FGF14: variants seen among roughly 807,000 people sequenced by gnomAD.
The protein encoded by FGF14 is fibroblast growth factor 14, also known as fibroblast growth factor homologous factor 4.
FGF14 carries 5 observed loss-of-function variants against 25.5 expected under a neutral mutation model. The ratio of observed to expected loss-of-function variants is 0.20; its 90% CI spans 0.10 to 0.41. The LOEUF (loss-of-function observed/expected upper bound fraction) is 0.41, where lower values mean the gene tolerates loss of function less well. Ranked by LOEUF, FGF14 falls within the 10% of genes least tolerant of loss-of-function variation. FGF14 has a pLI of 1.00. For missense variants in FGF14, 222 were observed against 320.1 expected, an observed-to-expected ratio of 0.69 and a Z score of 2.34; for synonymous variants, 138 against 118.3, an observed-to-expected ratio of 1.17 and a Z score of -1.08.
chr13:101,750,766 C>A (rs73568240), intron 3 of FGF14, among the ~76,000 whole-genome samples: 5,543 of 152,176 alleles, frequency 0.036, 271 homozygotes, highest in African/African-American at 0.1. Context: ...AGCTTTATTC[C>A]TAATTGCCAA....
At chr13:101,754,869 GA>G (rs5806249) in intron 3 of FGF14, among the ~76,000 whole-genome samples, 121,546 of 151,998 alleles carry the variant, frequency 0.8, 49,031 homozygotes, top group East Asian at 0.96. Context: ...TAAACTTGGA[GA>G]AAAAAATCAG....
intron 3 of FGF14, among the ~76,000 whole-genome samples, chr13:101,864,709 C>T (rs1463975772): frequency 1.3e-5 from 2 of 152,098 alleles, no homozygotes. Context: ...AGATGAGATG[C>T]TAATTTCAGG....
intron 1 of FGF14, among the ~76,000 whole-genome samples, chr13:101,975,314 G>A (rs912901305): frequency 1.3e-5 from 2 of 151,916 alleles, no homozygotes; most frequent in Non-Finnish European, 2.9e-5. Flanking sequence ...TAACCCCCTC[G>A]ACTCCTCACA....
intron 1 of FGF14, among the ~76,000 whole-genome samples, chr13:101,998,160 TA>T (rs564360938): frequency 2.0e-5 from 3 of 152,076 alleles, no homozygotes; most frequent in Non-Finnish European, 4.4e-5. Context: ...AAATTCATAT[TA>T]AAAAAAGCAC....
At position 101,952,517 on chromosome 13, in the gene FGF14, T is replaced by C. The variant is rs530974661; in HGVS notation, c.209-77221A>G. On this transcript the variant is annotated intron_variant, in intron 1 of 4. Transcript: ENST00000376131. ...GTTGCATAAGAATAATAAATCTGAA[T>C]GATGAAACGACACAATTGGCAAAAA... Among the ~76,000 whole-genome samples the C allele has an allele frequency of 4.5e-4, 68 of 152,254 alleles. 1 individual carries two copies. Among genetic ancestry groups the C allele is most frequent in the African/African-American group, 1.5e-3 (64 of 41,548 alleles).
chr13:101,860,921 G>T (rs2044383857), intron 3 of FGF14, among the ~76,000 whole-genome samples: 1 of 152,016 alleles, frequency 6.6e-6, no homozygotes, highest in Non-Finnish European at 1.5e-5. Context: ...TATATTATTA[G>T]CATCAATTTT....
intron 3 of FGF14, among the ~76,000 whole-genome samples, chr13:101,789,512 A>C (rs988840312): frequency 6.6e-6 from 1 of 152,152 alleles, no homozygotes; most frequent in African/African-American, 2.4e-5. Context: ...TTTTTGAAAC[A>C]TATTTCACAG....
intron 1 of FGF14, among the ~76,000 whole-genome samples, chr13:102,172,225 A>G (rs147936895): frequency 6.6e-6 from 1 of 152,068 alleles, no homozygotes; most frequent in Non-Finnish European, 1.5e-5. Flanking sequence ...CATTAAATCA[A>G]TTCTTACCAG....
chr13:101,916,172 G>A (rs1239040093), intron 1 of FGF14, among the ~76,000 whole-genome samples: 1 of 152,222 alleles, frequency 6.6e-6, no homozygotes, highest in Non-Finnish European at 1.5e-5. Flanking sequence ...AGACTCAGGG[G>A]GAACAGGTTT....
intron 1 of FGF14, among the ~76,000 whole-genome samples, chr13:102,232,767 CA>C (rs2051140962): frequency 1.3e-5 from 2 of 152,146 alleles, no homozygotes. Context: ...TTAAGTTAAA[CA>C]CCCTGTAACA....
intron 1 of FGF14, among the ~76,000 whole-genome samples, chr13:101,978,535 G>A (rs989105837): frequency 9.2e-5 from 14 of 152,184 alleles, no homozygotes; most frequent in African/African-American, 3.4e-4. Flanking sequence ...GAGGTTGTTT[G>A]TTGTGGTGAA....
chr13:101,993,772 A>G (rs1370368965), intron 1 of FGF14, among the ~76,000 whole-genome samples: 1 of 151,998 alleles, frequency 6.6e-6, no homozygotes, highest in Non-Finnish European at 1.5e-5. Context: ...AGAGAAGGCA[A>G]AAAAATGGAG....
intron 1 of FGF14, chr13:102,395,134 A>G (rs1157340930): frequency 6.6e-6 from 1 of 152,276 alleles, no homozygotes; most frequent in East Asian, 1.9e-4. Context: ...AGAGCAAAAT[A>G]CTAAGCGAGA....
At chr13:101,977,826 A>G (rs1051957191) in intron 1 of FGF14, among the ~76,000 whole-genome samples, 2 of 152,198 alleles carry the variant, frequency 1.3e-5, no homozygotes, top group African/African-American at 4.8e-5. Flanking sequence ...CCCATTTTAT[A>G]TAAGTCCATT....
At chr13:101,950,030 G>A (rs2036056857) in intron 1 of FGF14, among the ~76,000 whole-genome samples, 1 of 151,818 alleles carries the variant, frequency 6.6e-6, no homozygotes, top group Admixed American at 6.6e-5. Flanking sequence ...TTTCCTCCTT[G>A]ATAAACTGAC....
At chr13:101,827,931 A>G (rs1340522262) in intron 3 of FGF14, among the ~76,000 whole-genome samples, 1 of 134,014 alleles carries the variant, frequency 7.5e-6, no homozygotes, top group Non-Finnish European at 1.7e-5. Context: ...TTCTAAAAAA[A>G]AAAAAAAAGA....
At chr13:102,175,257 T>C (rs1446954874) in intron 1 of FGF14, among the ~76,000 whole-genome samples, 2 of 152,030 alleles carry the variant, frequency 1.3e-5, no homozygotes, top group Admixed American at 1.3e-4. Flanking sequence ...CATAGATCAG[T>C]GGATCAGAAT....
intron 1 of FGF14, among the ~76,000 whole-genome samples, chr13:102,222,700 C>T (rs543601366): frequency 2.0e-5 from 3 of 152,316 alleles, no homozygotes; most frequent in Non-Finnish European, 4.4e-5. Context: ...TCCTGTCTCA[C>T]TCAGGATGTT....
intron 1 of FGF14, among the ~76,000 whole-genome samples, chr13:102,113,283 A>C (rs981693623): frequency 4.6e-5 from 7 of 152,222 alleles, no homozygotes; most frequent in African/African-American, 1.7e-4. Context: ...TTCTGTATTC[A>C]TTAGGATCCT....
Sources: gnomAD v4.1 joint callset for allele counts (sites outside exome capture counted in the v4.1 genomes callset) on GRCh38, gnomAD v4.1.1 for gene constraint, MANE v1.5 for transcripts, NCBI Gene and HGNC (gene_info 2026-07-23, HGNC 2026-07-21) for gene names.